The following SIK3 variants were observed in gnomAD, a reference collection of about 807,000 sequenced individuals.
SIK3 encodes the protein SIK family kinase 3, also known as serine/threonine-protein kinase SIK3.
SIK3 carries 28 observed loss-of-function variants against 144.2 expected under a neutral mutation model. That is an observed-to-expected ratio of 0.19 (90% CI 0.14 to 0.27). The LOEUF is 0.27. Ranked by LOEUF, SIK3 falls within the 10% of genes least tolerant of loss-of-function variation. The probability of loss-of-function intolerance (pLI) is 1.00; values close to 1 mark genes in which losing one functional copy is unlikely to be tolerated. For missense variants in SIK3, 1,319 were observed against 1,776.0 expected, an observed-to-expected ratio of 0.74 and a Z score of 4.62; for synonymous variants, 686 against 676.3, an observed-to-expected ratio of 1.01 and a Z score of -0.22.
chr11:116,906,448 G>T (rs2134891163), intron 4 of SIK3, among the ~76,000 whole-genome samples: 1 of 152,198 alleles, frequency 6.6e-6, no homozygotes, highest in Non-Finnish European at 1.5e-5. Context: ...AAATATTTTT[G>T]AAAGAAAAAG....
chr11:116,872,053 G>C (rs541218573), intron 13 of SIK3, among the ~76,000 whole-genome samples: 3 of 152,176 alleles, frequency 2.0e-5, no homozygotes, highest in Admixed American at 2.0e-4. Context: ...TGGGAATAGG[G>C]CCTAGGATAA....
intron 1 of SIK3, among the ~76,000 whole-genome samples, chr11:117,034,379 C>A (rs1952400301): frequency 6.6e-6 from 1 of 152,112 alleles, no homozygotes; most frequent in East Asian, 1.9e-4. Flanking sequence ...CAGGCAAGGA[C>A]ATGAATGCTA....
intron 3 of SIK3, among the ~76,000 whole-genome samples, chr11:116,953,431 G>A (rs982074517): frequency 2.0e-5 from 3 of 152,048 alleles, no homozygotes; most frequent in Non-Finnish European, 4.4e-5. Context: ...AAAAAAAATC[G>A]TTTTGTCAGT....
At position 116,844,822 on chromosome 11, in the gene SIK3, A is replaced by G. The variant is rs1941829890; in HGVS notation, c.*821T>C. The G allele has an allele frequency of 6.6e-6, 1 of 151,160 alleles. No individual in the cohort carries two copies. The highest frequency in any genetic ancestry group is 2.1e-4 in the South Asian group (1 of 4,804). 9.4% of individuals were successfully genotyped at this position (151,160 alleles called of 1,614,324 possible). A position where few individuals can be genotyped will look rare whatever the true frequency, so the allele number is the denominator to read the frequency against. On this transcript the variant is annotated 3_prime_UTR_variant, in exon 25 of 25. Transcript: ENST00000445177. ...TCAGTCCATGGATAAAACCAGCAGG[A>G]TGATAAAGGCAACCAACTTTCCAGG...
chr11:117,092,177 A>G (rs1203036503), intron 1 of SIK3, among the ~76,000 whole-genome samples: 1 of 152,124 alleles, frequency 6.6e-6, no homozygotes, highest in African/African-American at 2.4e-5. Flanking sequence ...TAAAATGGCC[A>G]TAAGACCCAG....
chr11:116,938,787 A>C (rs946697917), intron 3 of SIK3, among the ~76,000 whole-genome samples: 6 of 152,192 alleles, frequency 3.9e-5, no homozygotes, highest in African/African-American at 1.4e-4. Context: ...GCTCACATCA[A>C]AAGGACACAG....
At chr11:117,059,700 A>G (rs1480753777) in intron 1 of SIK3, among the ~76,000 whole-genome samples, 1 of 152,224 alleles carries the variant, frequency 6.6e-6, no homozygotes, top group Non-Finnish European at 1.5e-5. Context: ...TGGGCAAAAG[A>G]TATGATCAGA....
rs574828974 is a variant in SIK3 at position 116,858,364 on chromosome 11, C to T, written c.3101G>A (p.Arg1034Gln). 8.7e-6 allele frequency: 14 copies of T among 1,613,620 alleles called. No individual in the cohort carries two copies. In the African/African-American group the frequency reaches 1.3e-4, roughly 15 times the overall value. ...CTGTGCAAACTCTGTTGGGGGCAGC[C>T]GGATGTCCGAGTGGCCGGTGAGCGA... ...RHSLTGHSDI[R>Q]LPPTEFAQLI... Residue 1034 changes from arginine (R) to glutamine (Q), a missense_variant, in exon 21 of 25, where the codon CGG becomes CAG. Physicochemically the swap from Arg to Gln is conservative, Grantham distance 43. This residue lies in a region of SIK3 where 646 missense variants were observed against 763.7 expected (regional missense o/e 0.85). Coordinates refer to ENST00000445177, the MANE Select transcript of SIK3 (RefSeq NM_001366686.3). This position sits in a 1 kb window ranked among gnomAD's most constrained non-coding sequence, Gnocchi z 5.4.
intron 3 of SIK3, among the ~76,000 whole-genome samples, chr11:116,938,598 G>GAAAATGAAA (rs1948102099): frequency 4.4e-5 from 2 of 45,602 alleles, no homozygotes; most frequent in Non-Finnish European, 8.1e-5. Context: ...GAGGAGAGGG[G>GAAAATGAAA]AGGAGAGGAG....
At chr11:117,053,986 T>C (rs1393681660) in intron 1 of SIK3, among the ~76,000 whole-genome samples, 2 of 152,142 alleles carry the variant, frequency 1.3e-5, no homozygotes, top group South Asian at 2.1e-4. Flanking sequence ...GGTCTTGCTA[T>C]GCTGCCCAGG....
At chr11:117,065,314 T>C (rs1052077029) in intron 1 of SIK3, among the ~76,000 whole-genome samples, 1 of 152,018 alleles carries the variant, frequency 6.6e-6, no homozygotes, top group Non-Finnish European at 1.5e-5. Context: ...GAAGACTGGA[T>C]ATTAAATTTT....
At chr11:117,013,905 GGGGGGGGAGGGTGT>G (rs1951387520) in intron 1 of SIK3, among the ~76,000 whole-genome samples, 1 of 47,316 alleles carries the variant, frequency 2.1e-5, no homozygotes, top group African/African-American at 6.7e-5. Flanking sequence ...TCTGAGGGGG[GGGGGGGGAGGGTGT>G]GTGTGTGTGT....
chr11:117,024,176 C>A (rs1010441883), intron 1 of SIK3, among the ~76,000 whole-genome samples: 2 of 152,060 alleles, frequency 1.3e-5, no homozygotes, highest in Non-Finnish European at 2.9e-5. Flanking sequence ...GGGTTGTGGG[C>A]AATCTCTCTG....
At chr11:116,998,731 G>A (rs552181555) in intron 1 of SIK3, among the ~76,000 whole-genome samples, 9 of 152,234 alleles carry the variant, frequency 5.9e-5, no homozygotes, top group African/African-American at 1.4e-4. Context: ...GGCACACAGA[G>A]GTTTCATTTA....
intron 6 of SIK3, among the ~76,000 whole-genome samples, chr11:116,888,124 C>T (rs1000731355): frequency 2.6e-5 from 4 of 152,198 alleles, no homozygotes; most frequent in African/African-American, 9.6e-5. Flanking sequence ...CTAGAAGCAG[C>T]TACATGGTAG....
intron 3 of SIK3, among the ~76,000 whole-genome samples, chr11:116,935,676 T>A (rs1947877630): frequency 6.6e-6 from 1 of 152,198 alleles, no homozygotes; most frequent in African/African-American, 2.4e-5. Flanking sequence ...GGTTTGCTAA[T>A]CCTGTAACAG....
At chr11:117,021,105 T>C (rs1420062620) in intron 1 of SIK3, among the ~76,000 whole-genome samples, 1 of 152,192 alleles carries the variant, frequency 6.6e-6, no homozygotes, top group Non-Finnish European at 1.5e-5. Context: ...CTGCTTGGTG[T>C]GTGGGGACAC....
At chr11:116,959,610 T>C (rs1311020468) in intron 1 of SIK3, among the ~76,000 whole-genome samples, 1 of 152,110 alleles carries the variant, frequency 6.6e-6, no homozygotes, top group Non-Finnish European at 1.5e-5. Context: ...CTCCAAGAGA[T>C]CACAGGGAGT....
intron 1 of SIK3, among the ~76,000 whole-genome samples, chr11:117,081,905 T>C (rs561988305): frequency 3.3e-5 from 5 of 152,306 alleles, no homozygotes; most frequent in African/African-American, 1.2e-4. Flanking sequence ...AAGGGACTTG[T>C]ATCCCAAACA....
Sources: allele counts gnomAD v4.1 joint callset (sites outside exome capture counted in the v4.1 genomes callset), GRCh38; gene constraint gnomAD v4.1.1; regional missense constraint gnomAD v4.1.1; non-coding constraint Gnocchi (gnomAD v3.1); transcripts MANE v1.5; gene names NCBI Gene and HGNC (gene_info 2026-07-23, HGNC 2026-07-21).